Variants in AKAP6 observed in about 807,000 individuals in gnomAD.
The protein encoded by AKAP6 is A-kinase anchor protein 6.
Under a neutral mutation model 188.5 loss-of-function variants are expected in AKAP6, and 58 were observed. That is an observed-to-expected ratio of 0.31 (90% CI 0.25 to 0.38). AKAP6 has a LOEUF of 0.38. Among genes scored for constraint, AKAP6 ranks in the 10% least tolerant of loss-of-function variants. The pLI, the probability that AKAP6 is intolerant of heterozygous loss-of-function variation, is 1.00. For synonymous variants in AKAP6, 989 were observed against 998.6 expected (o/e 0.99, Z 0.18); for missense variants, 2,710 against 2,740.0 (o/e 0.99, Z 0.24).
chr14:32,798,968 A>G (rs1030050142), intron 12 of AKAP6, among the ~76,000 whole-genome samples: 9 of 152,228 alleles, frequency 5.9e-5, no homozygotes, highest in African/African-American at 2.2e-4. Flanking sequence ...CTGCTGCCAC[A>G]TAGTCAATGA....
At chr14:32,712,429 A>T (rs1364150653) in intron 9 of AKAP6, among the ~76,000 whole-genome samples, 1 of 152,056 alleles carries the variant, frequency 6.6e-6, no homozygotes, top group East Asian at 1.9e-4. Context: ...AGTTTGCCAC[A>T]TTAATTGGCT....
intron 2 of AKAP6, among the ~76,000 whole-genome samples, chr14:32,513,451 C>G (rs17099214): frequency 0.012 from 1,772 of 152,284 alleles, 39 homozygotes; most frequent in African/African-American, 0.041. Flanking sequence ...GGCCACCTGA[C>G]ATAGAGCCCT....
At chr14:32,461,468 A>T (rs1478207717) in intron 2 of AKAP6, among the ~76,000 whole-genome samples, 1 of 152,218 alleles carries the variant, frequency 6.6e-6, no homozygotes, top group Non-Finnish European at 1.5e-5. Context: ...ACTGTAGCAG[A>T]CCTGCAGAAG....
chr14:32,341,579 T>G (rs1886891484), intron 1 of AKAP6, among the ~76,000 whole-genome samples: 1 of 152,190 alleles, frequency 6.6e-6, no homozygotes, highest in Admixed American at 6.5e-5. Context: ...GAATTCTGCT[T>G]CTATACTGCC....
chr14:32,788,781 T>C (rs979951638), intron 12 of AKAP6, among the ~76,000 whole-genome samples: 1 of 152,126 alleles, frequency 6.6e-6, no homozygotes, highest in African/African-American at 2.4e-5. Context: ...GTTTTACAAT[T>C]CTGGCCCTGG....
At chr14:32,600,162 A>C (rs556245408) in intron 6 of AKAP6, among the ~76,000 whole-genome samples, 12 of 152,318 alleles carry the variant, frequency 7.9e-5, no homozygotes, top group African/African-American at 2.9e-4. Flanking sequence ...AAAAGACAGT[A>C]TTAATTGGAT....
chr14:32,450,190 A>G (rs1890892467), intron 2 of AKAP6, among the ~76,000 whole-genome samples: 1 of 152,208 alleles, frequency 6.6e-6, no homozygotes, highest in Non-Finnish European at 1.5e-5. Context: ...AATCAAGATC[A>G]TTCTTTAGAA....
chr14:32,735,972 A>T (rs2031402766), intron 11 of AKAP6, 90 bp downstream of exon 11: 1 of 968,124 alleles, frequency 1.0e-6, no homozygotes, highest in African/African-American at 1.6e-5. Flanking sequence ...ATACCCATGT[A>T]TCTGTGTATC....
At chr14:32,829,430 T>C (rs1390928275) in intron 13 of AKAP6, among the ~76,000 whole-genome samples, 1 of 152,178 alleles carries the variant, frequency 6.6e-6, no homozygotes, top group East Asian at 1.9e-4. Context: ...CAGCTCCCAG[T>C]CTGTGGAATC....
At chr14:32,495,035 A>T (rs936267985) in intron 2 of AKAP6, 1 of 152,210 alleles carries the variant, frequency 6.6e-6, no homozygotes, top group Non-Finnish European at 1.5e-5. Context: ...AACCCTGTTA[A>T]TTGTGGGGGC....
At chr14:32,411,038 C>T (rs1889467478) in intron 1 of AKAP6, among the ~76,000 whole-genome samples, 1 of 152,146 alleles carries the variant, frequency 6.6e-6, no homozygotes, top group Admixed American at 6.5e-5. Context: ...AGCTATGAGC[C>T]TCACTATAAA....
intron 4 of AKAP6, among the ~76,000 whole-genome samples, chr14:32,548,093 C>CTTTTT (rs71115082): frequency 9.6e-6 from 1 of 104,234 alleles, no homozygotes; most frequent in Admixed American, 1.0e-4. Flanking sequence ...CTCCCACATG[C>CTTTTT]TTTTTTTTTT....
chr14:32,732,091 A>C (rs7157238), intron 9 of AKAP6, among the ~76,000 whole-genome samples: 58,582 of 151,732 alleles, frequency 0.39, 11,536 homozygotes, highest in African/African-American at 0.43. Flanking sequence ...CCTTTAGGGG[A>C]AGAGATGAGA....
intron 11 of AKAP6, among the ~76,000 whole-genome samples, chr14:32,741,976 A>G (rs111604509): frequency 1.2e-3 from 178 of 151,650 alleles, no homozygotes; most frequent in African/African-American, 4.2e-3. Context: ...ATGTTTGGTA[A>G]CATTCAGCAG....
chr14:32,332,047 T>G (rs1395437830), intron 1 of AKAP6, among the ~76,000 whole-genome samples: 1 of 152,128 alleles, frequency 6.6e-6, no homozygotes, highest in African/African-American at 2.4e-5. Context: ...TATATCTTAT[T>G]TAGCCCTTAT....
chr14:32,589,471 G>C (rs1409984613), intron 5 of AKAP6, among the ~76,000 whole-genome samples: 2 of 152,176 alleles, frequency 1.3e-5, no homozygotes, highest in African/African-American at 4.8e-5. Flanking sequence ...GAATGGTAGC[G>C]TAGGAGGCTC....
chr14:32,657,345 C>T (rs572230629), intron 7 of AKAP6, among the ~76,000 whole-genome samples: 3 of 152,102 alleles, frequency 2.0e-5, no homozygotes, highest in African/African-American at 4.8e-5. Context: ...GCGCAACCCT[C>T]GGTAGAGTCA....
At chr14:32,533,451 C>T (rs1192532885) in intron 2 of AKAP6, among the ~76,000 whole-genome samples, 4 of 152,100 alleles carry the variant, frequency 2.6e-5, no homozygotes, top group Non-Finnish European at 5.9e-5. Context: ...GCAGCCTTCC[C>T]TGGGAGGACA....
At chr14:32,755,529 T>TATTATC (rs1488255177) in intron 11 of AKAP6, among the ~76,000 whole-genome samples, 1 of 151,516 alleles carries the variant, frequency 6.6e-6, no homozygotes, top group Non-Finnish European at 1.5e-5. Context: ...TTATTATTAT[T>TATTATC]ATTATTATTA....
Sources: allele counts gnomAD v4.1 joint callset (sites outside exome capture counted in the v4.1 genomes callset), GRCh38; gene constraint gnomAD v4.1.1; transcripts MANE v1.5; gene names NCBI Gene and HGNC (gene_info 2026-07-23, HGNC 2026-07-21).